The following LINGO2 variants were observed in gnomAD, a reference collection of about 807,000 sequenced individuals.
The protein encoded by LINGO2 is leucine rich repeat and Ig domain containing 2.
A neutral mutation model predicts 30.6 loss-of-function variants in LINGO2; 14 were observed. That is an observed-to-expected ratio of 0.46 (90% CI 0.30 to 0.72). The LOEUF is 0.72. Ranked by LOEUF, LINGO2 falls within the 30% of genes least tolerant of loss-of-function variation. The probability of loss-of-function intolerance (pLI) is 0.07; values close to 1 mark genes in which losing one functional copy is unlikely to be tolerated. For missense variants in LINGO2, 729 were observed against 751.7 expected (o/e 0.97, Z 0.35); for synonymous variants, 317 against 288.5 (o/e 1.10, Z -1.00).
the LINGO2 span, among the ~76,000 whole-genome samples, chr9:28,792,967 A>G: frequency 6.6e-5 from 10 of 152,302 alleles, no homozygotes; most frequent in East Asian, 1.9e-3. Context: ...GGAATTGTAC[A>G]TGTGGGCAAG....
chr9:28,319,577 G>A (rs1824965132), intron 3 of LINGO2, among the ~76,000 whole-genome samples: 1 of 152,060 alleles, frequency 6.6e-6, no homozygotes, highest in African/African-American at 2.4e-5. Flanking sequence ...AACACATACA[G>A]CGTGAATGAA....
chr9:29,167,639 T>C, the LINGO2 span, among the ~76,000 whole-genome samples: 1 of 152,130 alleles, frequency 6.6e-6, no homozygotes, highest in East Asian at 1.9e-4. Context: ...CAAAAACCTG[T>C]CAATATCTTA....
chr9:28,783,379 G>A, the LINGO2 span, among the ~76,000 whole-genome samples: 2 of 151,808 alleles, frequency 1.3e-5, no homozygotes, highest in African/African-American at 4.8e-5. Flanking sequence ...TGTGTAAATA[G>A]TTGTTATACT....
chr9:28,151,790 A>G (rs1242309992), intron 4 of LINGO2, among the ~76,000 whole-genome samples: 2 of 152,056 alleles, frequency 1.3e-5, no homozygotes. Flanking sequence ...AAGACTATAA[A>G]ATTCTTGAGA....
At chr9:28,563,020 T>C (rs1296248400) in intron 1 of LINGO2, among the ~76,000 whole-genome samples, 1 of 152,054 alleles carries the variant, frequency 6.6e-6, no homozygotes, top group African/African-American at 2.4e-5. Context: ...CTAATTTTTG[T>C]ATTTTTAGTA....
chr9:27,973,621 A>C (rs575323606), intron 5 of LINGO2, among the ~76,000 whole-genome samples: 1 of 152,176 alleles, frequency 6.6e-6, no homozygotes, highest in Non-Finnish European at 1.5e-5. Context: ...AAAGAGAGTC[A>C]CTGGATGAGA....
intron 1 of LINGO2, among the ~76,000 whole-genome samples, chr9:28,478,508 C>G (rs1169507626): frequency 6.6e-6 from 1 of 151,976 alleles, no homozygotes; most frequent in East Asian, 1.9e-4. Flanking sequence ...TTGATCTACC[C>G]ACCACATTTT....
chr9:28,613,515 C>A (rs1005379339), intron 1 of LINGO2, among the ~76,000 whole-genome samples: 1 of 151,478 alleles, frequency 6.6e-6, no homozygotes, highest in Non-Finnish European at 1.5e-5. Flanking sequence ...ATTTACCTAC[C>A]TATATGTAGA....
intron 1 of LINGO2, among the ~76,000 whole-genome samples, chr9:28,563,661 T>C (rs756607964): frequency 6.6e-6 from 1 of 150,790 alleles, no homozygotes; most frequent in African/African-American, 2.5e-5. Flanking sequence ...TGATGAGTGC[T>C]TTCTCTGTTG....
chr9:28,463,057 T>C (rs1169766923), intron 2 of LINGO2, among the ~76,000 whole-genome samples: 1 of 152,136 alleles, frequency 6.6e-6, no homozygotes, highest in East Asian at 1.9e-4. Context: ...CAAAAGACAC[T>C]TCTGTTTTAC....
chr9:28,345,061 T>C (rs1266350307), intron 3 of LINGO2, among the ~76,000 whole-genome samples: 1 of 151,872 alleles, frequency 6.6e-6, no homozygotes, highest in Non-Finnish European at 1.5e-5. Flanking sequence ...CTTATCTTTG[T>C]GAAGCTCGGC....
At chr9:28,707,901 G>C in the LINGO2 span, among the ~76,000 whole-genome samples, 1 of 152,004 alleles carries the variant, frequency 6.6e-6, no homozygotes, top group Non-Finnish European at 1.5e-5. Flanking sequence ...TCAAAAAACA[G>C]GATCCTGTCA....
Position 28,266,402 on chromosome 9 carries a change from T to C in LINGO2, c.-87+28806A>G, listed in dbSNP as rs574274328. ...GATGCAACTAATTGTGACCCTCTAA[T>C]GGACAAAGGCCACTTAAATCCTGCT... On this transcript the variant is annotated intron_variant, in intron 4 of 5. Coordinates refer to ENST00000379992, the Ensembl canonical transcript of LINGO2. Among the ~76,000 whole-genome samples, 5 of 152,132 alleles carry C rather than the reference T, an allele frequency of 3.3e-5. No homozygotes were observed. In the South Asian group the frequency reaches 1.0e-3, roughly 32 times the overall value.
chr9:28,251,871 A>G (rs1194901332), intron 4 of LINGO2, among the ~76,000 whole-genome samples: 1 of 152,096 alleles, frequency 6.6e-6, no homozygotes, highest in Non-Finnish European at 1.5e-5. Context: ...GTATGTACCA[A>G]ACAAAGCTGC....
chr9:27,999,435 T>TGAGAGAGAGAGAGAGAGAGAGAGAGAGA (rs1156717819), intron 5 of LINGO2, among the ~76,000 whole-genome samples: 1 of 102,924 alleles, frequency 9.7e-6, no homozygotes, highest in African/African-American at 3.8e-5. Context: ...TGCCTAATCT[T>TGAGAGAGAGAGAGAGAGAGAGAGAGAGA]CAGAGAGAGA....
At chr9:28,439,207 A>G (rs1824088151) in intron 2 of LINGO2, among the ~76,000 whole-genome samples, 3 of 150,606 alleles carry the variant, frequency 2.0e-5, no homozygotes, top group African/African-American at 7.3e-5. Context: ...TACATTACAT[A>G]TTATGAAATA....
chr9:29,187,153 C>A, the LINGO2 span, among the ~76,000 whole-genome samples: 1 of 152,062 alleles, frequency 6.6e-6, no homozygotes, highest in Non-Finnish European at 1.5e-5. Context: ...GTATCACAGT[C>A]CTACAATAAA....
At chr9:28,234,761 T>G (rs1328323267) in intron 4 of LINGO2, among the ~76,000 whole-genome samples, 1 of 152,166 alleles carries the variant, frequency 6.6e-6, no homozygotes, top group Non-Finnish European at 1.5e-5. Context: ...TTTTGAGGTT[T>G]TGGGACTCAG....
At chr9:27,981,323 A>G (rs1294798568) in intron 5 of LINGO2, among the ~76,000 whole-genome samples, 1 of 151,648 alleles carries the variant, frequency 6.6e-6, no homozygotes, top group African/African-American at 2.4e-5. Flanking sequence ...AGATAAGAAA[A>G]TCGAGGCAGA....
Sources: allele counts gnomAD v4.1 joint callset (sites outside exome capture counted in the v4.1 genomes callset), GRCh38; gene constraint gnomAD v4.1.1; transcripts MANE v1.5; gene names NCBI Gene and HGNC (gene_info 2026-07-23, HGNC 2026-07-21).